FLT3: variants seen among roughly 807,000 people sequenced by gnomAD.
The protein encoded by FLT3 is fms related receptor tyrosine kinase 3, also known as receptor-type tyrosine-protein kinase FLT3.
A neutral mutation model predicts 126.6 loss-of-function variants in FLT3; 46 were observed. That is an observed-to-expected ratio of 0.36 (90% CI 0.29 to 0.46). The LOEUF is 0.46. Among genes scored for constraint, FLT3 ranks in the 20% least tolerant of loss-of-function variants. The probability of loss-of-function intolerance (pLI) is 1.00; values close to 1 mark genes in which losing one functional copy is unlikely to be tolerated. For synonymous variants in FLT3, 404 were observed against 434.4 expected (o/e 0.93, Z 0.87); for missense variants, 1,069 against 1,190.3 (o/e 0.90, Z 1.50).
At chr13:28,068,817 TCCAC>T (rs1367813237) in intron 2 of FLT3, among the ~76,000 whole-genome samples, 2 of 152,156 alleles carry the variant, frequency 1.3e-5, no homozygotes, top group Admixed American at 6.6e-5. Flanking sequence ...GCTCAAGCGA[TCCAC>T]CCACCTTGGC....
At position 28,100,462 on chromosome 13, in the gene FLT3, C is replaced by T; in HGVS notation, c.43+6G>A. ...AGGGGCTGCGAGCGAGCGAGCGGGG[C>T]CTTACCGAGCAGCGGCAGCTGGCCG... is the stretch of plus-strand genomic sequence containing the variant. On this transcript the variant is annotated splice_donor_region_variant and intron_variant, in intron 1 of 23. Coordinates refer to ENST00000241453, the MANE Select transcript of FLT3 (RefSeq NM_004119.3). This position sits in a 1 kb window ranked among gnomAD's most constrained non-coding sequence, Gnocchi z 4.8. 2 of 1,217,730 alleles carry T rather than the reference C, an allele frequency of 1.6e-6. No homozygotes were observed. Among genetic ancestry groups the T allele is most frequent in the Non-Finnish European group, 2.0e-6 (2 of 979,000 alleles). 75.4% of individuals were successfully genotyped at this position (1,217,730 alleles called of 1,614,324 possible).
intron 21 of FLT3, 43 bp downstream of exon 21, chr13:28,015,547 G>C (rs763023562): frequency 8.6e-7 from 1 of 1,157,268 alleles, no homozygotes. Flanking sequence ...AGCAGAGGAT[G>C]CAAAGCCAGG....
chr13:28,044,750 C>T (rs1173471771), intron 9 of FLT3, among the ~76,000 whole-genome samples: 2 of 152,128 alleles, frequency 1.3e-5, no homozygotes, highest in East Asian at 3.8e-4. Flanking sequence ...TCTTCAAGAA[C>T]TTTCAAATAA....
intron 18 of FLT3, among the ~76,000 whole-genome samples, 187 bp downstream of exon 18, chr13:28,024,674 G>A (rs1195509225): frequency 6.6e-6 from 1 of 152,174 alleles, no homozygotes; most frequent in African/African-American, 2.4e-5. Flanking sequence ...AAATAAAATA[G>A]TCCTCAGTGT....
At chr13:28,026,324 G>A (rs1313973946) in intron 17 of FLT3, among the ~76,000 whole-genome samples, 1 of 128,866 alleles carries the variant, frequency 7.8e-6, no homozygotes, top group African/African-American at 3.0e-5. Context: ...CACCACTCCA[G>A]CCTAGGCAAC....
chr13:28,017,097 A>G (rs149522990), intron 20 of FLT3, among the ~76,000 whole-genome samples: 62 of 152,330 alleles, frequency 4.1e-4, no homozygotes, highest in African/African-American at 1.4e-3. Context: ...TCTGTGCCTC[A>G]GTTTCCAAGT....
intron 9 of FLT3, among the ~76,000 whole-genome samples, chr13:28,040,354 G>GA (rs34859171): frequency 0.63 from 94,890 of 151,674 alleles, 31,668 homozygotes; most frequent in East Asian, 0.77. Flanking sequence ...AGAGGCACCA[G>GA]AAAAAAAGAA....
At chr13:28,036,756 T>C (rs1873870200) in intron 10 of FLT3, among the ~76,000 whole-genome samples, 3 of 152,282 alleles carry the variant, frequency 2.0e-5, no homozygotes, top group Admixed American at 6.5e-5. Flanking sequence ...GGTATGAGGA[T>C]CCCTTAAGGC....
intron 9 of FLT3, among the ~76,000 whole-genome samples, chr13:28,038,358 T>G (rs901254470): frequency 6.6e-6 from 1 of 151,890 alleles, no homozygotes; most frequent in Non-Finnish European, 1.5e-5. Flanking sequence ...GTAACAAAAT[T>G]GGAGAAAAAG....
intron 15 of FLT3, among the ~76,000 whole-genome samples, chr13:28,030,964 T>A (rs898553618): frequency 6.6e-6 from 1 of 151,656 alleles, no homozygotes; most frequent in East Asian, 2.0e-4. Context: ...CGGTGGCTCA[T>A]GCCTGTAATC....
Position 28,014,502 on chromosome 13 carries a change from G to T in FLT3, c.2809C>A (p.Pro937Thr). ...AFDSRKRPSF[P>T]NLTSFLGCQL... is the part of the protein sequence containing the mutation. ...CATCCTAAAAACGAAGTCAAATTAG[G>T]GAAGGATGGCCGTTTCCTTGAGTCA... The change falls in exon 23 of 24, where the codon CCT (proline) becomes ACT (threonine). Residue 937 changes from proline to threonine, a missense_variant. Coordinates refer to ENST00000241453, the MANE Select transcript of FLT3 (RefSeq NM_004119.3). The T allele has an allele frequency of 6.2e-7, 1 of 1,614,072 alleles. No individual in the cohort carries two copies. The highest frequency in any genetic ancestry group is 8.5e-7 in the Non-Finnish European group (1 of 1,179,984).
intron 1 of FLT3, among the ~76,000 whole-genome samples, chr13:28,074,165 T>G (rs535188065): frequency 2.0e-5 from 3 of 152,110 alleles, no homozygotes; most frequent in Non-Finnish European, 4.4e-5. Context: ...TATGAACTGT[T>G]TTTTTATAGG....
chr13:28,058,629 A>G (rs955106703), intron 3 of FLT3, among the ~76,000 whole-genome samples: 1 of 152,248 alleles, frequency 6.6e-6, no homozygotes, highest in Non-Finnish European at 1.5e-5. Flanking sequence ...GGAGTTGACA[A>G]AGATGTAGAA....
chr13:28,077,087 GA>G (rs1450874050), intron 1 of FLT3, among the ~76,000 whole-genome samples: 4 of 9,674 alleles, frequency 4.1e-4, no homozygotes, highest in Non-Finnish European at 4.0e-3. Flanking sequence ...AAGAAAGAAA[GA>G]AAAAGAGAAA....
At chr13:28,078,393 G>C (rs1341600188) in intron 1 of FLT3, among the ~76,000 whole-genome samples, 1 of 152,238 alleles carries the variant, frequency 6.6e-6, no homozygotes, top group Non-Finnish European at 1.5e-5. Context: ...CCACGTGGAA[G>C]CTGCCAAGGC....
Position 28,034,371 on chromosome 13 carries a change from T to C in FLT3, c.1634A>G (p.Tyr545Cys), listed in dbSNP as rs768828525. The C allele has an allele frequency of 1.9e-6, 3 of 1,614,028 alleles. No homozygotes were observed. The highest frequency in any genetic ancestry group is 2.5e-6 in the Non-Finnish European group (3 of 1,179,904). ...FPFIQDNISF[Y>C]ATIGVCLLFI... ...GAGGAGACAAACACCAATTGTTGCATAGAATGAGATGTTGTCTTGGATGAA... is the reference window on the plus strand; with the variant it reads ...GAGGAGACAAACACCAATTGTTGCACAGAATGAGATGTTGTCTTGGATGAA... Residue 545 changes from tyrosine to cysteine, a missense_variant, in exon 13 of 24, where the codon TAT becomes TGT. Transcript: ENST00000241453.
intron 15 of FLT3, among the ~76,000 whole-genome samples, chr13:28,031,100 T>C (rs542586197): frequency 1.2e-3 from 183 of 151,682 alleles, no homozygotes; most frequent in African/African-American, 2.7e-3. Flanking sequence ...TGGTGGTGGG[T>C]GCCTGTAGTC....
intron 9 of FLT3, among the ~76,000 whole-genome samples, chr13:28,043,581 C>T (rs1463313555): frequency 6.6e-6 from 1 of 152,128 alleles, no homozygotes; most frequent in African/African-American, 2.4e-5. Context: ...CTGTACTTCA[C>T]AAACCAAATT....
At chr13:28,057,196 AG>A (rs1289161447) in intron 4 of FLT3, 150 bp downstream of exon 4, 5 of 614,506 alleles carry the variant, frequency 8.1e-6, no homozygotes, top group African/African-American at 7.4e-5. Context: ...TAGGTTCTAC[AG>A]AGGGTTGACA....
Sources: allele counts gnomAD v4.1 joint callset (sites outside exome capture counted in the v4.1 genomes callset), GRCh38; gene constraint gnomAD v4.1.1; non-coding constraint Gnocchi (gnomAD v3.1); transcripts MANE v1.5; gene names NCBI Gene and HGNC (gene_info 2026-07-23, HGNC 2026-07-21).